GARIN5B: variants seen among roughly 807,000 people sequenced by gnomAD.
The protein encoded by GARIN5B is Golgi-associated RAB2 interactor protein 5B.
the GARIN5B span, chr19:55,362,404 C>G: frequency 6.4e-7 from 1 of 1,550,654 alleles, no homozygotes; most frequent in Non-Finnish European, 8.7e-7. Context: ...CAGGGGCGTC[C>G]AGGGCCAGGT....
the GARIN5B span, chr19:55,361,109 G>T: frequency 6.4e-7 from 1 of 1,551,372 alleles, no homozygotes. Context: ...AGCGCCTGGA[G>T]TGGGTGAGGA....
chr19:55,359,496 G>C, the GARIN5B span: 13 of 1,548,336 alleles, frequency 8.4e-6, no homozygotes, highest in African/African-American at 1.4e-5. Context: ...TTCTGGGATG[G>C]AGCAGGTACA....
chr19:55,360,634 C>T, the GARIN5B span: 5 of 1,528,980 alleles, frequency 3.3e-6, no homozygotes, highest in Non-Finnish European at 3.5e-6. Context: ...GAGTCCAGGC[C>T]TCCAGCCCCT....
the GARIN5B span, chr19:55,359,814 C>T: frequency 6.4e-7 from 1 of 1,551,386 alleles, no homozygotes; most frequent in Non-Finnish European, 8.7e-7. Context: ...AAAGTGCTGC[C>T]CCCAGAGTCC....
chr19:55,363,117 C>A, the GARIN5B span: 1 of 1,425,044 alleles, frequency 7.0e-7, no homozygotes, highest in Non-Finnish European at 9.2e-7. The surrounding 1 kb of genome is among the most constrained non-coding windows in gnomAD (Gnocchi z 4.0). Context: ...CCCAGGCGTG[C>A]AGGCCTCCCA....
the GARIN5B span, chr19:55,362,612 C>T: frequency 1.7e-5 from 27 of 1,546,872 alleles, no homozygotes; most frequent in South Asian, 4.8e-5. Flanking sequence ...TCCCTGTCCT[C>T]GGCGGGCTGG....
At chr19:55,357,384 C>G in the GARIN5B span, among the ~76,000 whole-genome samples, 1 of 152,182 alleles carries the variant, frequency 6.6e-6, no homozygotes, top group Non-Finnish European at 1.5e-5. Flanking sequence ...CCATGATGGG[C>G]GCCCCCCTGC....
At chr19:55,354,926 T>C in the GARIN5B span, 1 of 230,454 alleles carries the variant, frequency 4.3e-6, no homozygotes, top group Non-Finnish European at 8.6e-6. Context: ...AGGCTCAAGC[T>C]TTAATCTCTG....
At chr19:55,359,514 C>T in the GARIN5B span, 1 of 1,550,898 alleles carries the variant, frequency 6.4e-7, no homozygotes, top group Admixed American at 2.0e-5. Context: ...ACAGCTGGGG[C>T]CTTCCGGGGA....
chr19:55,358,463 G>A, the GARIN5B span: 1 of 1,530,358 alleles, frequency 6.5e-7, no homozygotes. Context: ...GGCAGAGGTG[G>A]GCTTGGAGCG....
the GARIN5B span, chr19:55,358,925 C>A: frequency 1.3e-6 from 2 of 1,551,112 alleles, no homozygotes; most frequent in Non-Finnish European, 1.7e-6. Context: ...AAGCTTCGCC[C>A]AGTGGGCCCA....
the GARIN5B span, chr19:55,361,429 CT>C: frequency 1.3e-6 from 2 of 1,513,224 alleles, no homozygotes; most frequent in Non-Finnish European, 1.8e-6. Flanking sequence ...TGCTGATGGG[CT>C]GGTCCTGCAG....
the GARIN5B span, chr19:55,358,825 C>T: frequency 6.5e-7 from 1 of 1,546,812 alleles, no homozygotes; most frequent in Non-Finnish European, 8.7e-7. Flanking sequence ...GGGAGGGGCC[C>T]TCGACGGCCA....
the GARIN5B span, among the ~76,000 whole-genome samples, chr19:55,357,343 C>G: frequency 1.3e-5 from 2 of 152,198 alleles, no homozygotes; most frequent in Admixed American, 6.5e-5. Flanking sequence ...AGAGTCAGAG[C>G]CAAAGTCCCT....
chr19:55,357,345 A>G, the GARIN5B span, among the ~76,000 whole-genome samples: 1 of 152,154 alleles, frequency 6.6e-6, no homozygotes, highest in Non-Finnish European at 1.5e-5. Flanking sequence ...AGTCAGAGCC[A>G]AAGTCCCTAA....
chr19:55,361,346 GT>G, the GARIN5B span: 1 of 1,541,808 alleles, frequency 6.5e-7, no homozygotes, highest in South Asian at 1.2e-5. Flanking sequence ...GAGCCAAAGG[GT>G]GCAGCTCTGT....
the GARIN5B span, among the ~76,000 whole-genome samples, chr19:55,356,153 C>G: frequency 6.6e-6 from 1 of 151,706 alleles, no homozygotes; most frequent in East Asian, 1.9e-4. Context: ...GGATGGATCA[C>G]CTGAGGTCAG....
At chr19:55,360,897 G>C in the GARIN5B span, 1 of 1,543,842 alleles carries the variant, frequency 6.5e-7, no homozygotes, top group South Asian at 1.2e-5. Flanking sequence ...GCGGGGGTCT[G>C]AGTGGGACCT....
At chr19:55,356,727 T>C in the GARIN5B span, among the ~76,000 whole-genome samples, 1 of 152,104 alleles carries the variant, frequency 6.6e-6, no homozygotes, top group East Asian at 1.9e-4. Context: ...CTCTACCTAG[T>C]TCCAGGGCAT....
Sources: gnomAD v4.1 joint callset for allele counts (sites outside exome capture counted in the v4.1 genomes callset) on GRCh38, gnomAD v4.1.1 for gene constraint, Gnocchi (gnomAD v3.1) non-coding constraint, MANE v1.5 for transcripts, NCBI Gene and HGNC (gene_info 2026-07-23, HGNC 2026-07-21) for gene names.